PACRG: variants seen among roughly 807,000 people sequenced by gnomAD.
PACRG encodes the protein parkin coregulated gene protein.
PACRG carries 29 observed loss-of-function variants against 29.7 expected under a neutral mutation model. The observed-to-expected ratio is 0.98, with a 90% CI of 0.73 to 1.33. The LOEUF (loss-of-function observed/expected upper bound fraction) is 1.33, where lower values mean the gene tolerates loss of function less well. Among genes scored for constraint, PACRG ranks in the 40% most tolerant of loss-of-function variants. PACRG has a pLI of 0.00. For missense variants in PACRG, 279 were observed against 316.2 expected, an observed-to-expected ratio of 0.88 and a Z score of 0.89; for synonymous variants, 116 against 118.7, an observed-to-expected ratio of 0.98 and a Z score of 0.15.
At chr6:163,086,987 C>T (rs184111798) in intron 3 of PACRG, among the ~76,000 whole-genome samples, 72 of 152,102 alleles carry the variant, frequency 4.7e-4, no homozygotes, top group African/African-American at 1.5e-3. Context: ...CCAATGGAAG[C>T]GGGTAGGGGG....
intron 4 of PACRG, among the ~76,000 whole-genome samples, chr6:163,167,141 C>A (rs1160369829): frequency 6.6e-6 from 1 of 152,192 alleles, no homozygotes; most frequent in Admixed American, 6.5e-5. Flanking sequence ...AGCTGTTGTT[C>A]CAGTTTGCTG....
chr6:162,802,418 T>A (rs189725304), intron 1 of PACRG, among the ~76,000 whole-genome samples: 165 of 152,328 alleles, frequency 1.1e-3, no homozygotes, highest in African/African-American at 3.4e-3. Flanking sequence ...CATGTTTCTC[T>A]GGCCATTTTA....
chr6:163,064,767 A>C (rs1811390011), intron 3 of PACRG, among the ~76,000 whole-genome samples: 1 of 152,160 alleles, frequency 6.6e-6, no homozygotes, highest in Admixed American at 6.5e-5. Flanking sequence ...TTTTCACACC[A>C]TACCCAGTAT....
At chr6:163,002,237 T>A (rs1246997587) in intron 2 of PACRG, among the ~76,000 whole-genome samples, 1 of 152,236 alleles carries the variant, frequency 6.6e-6, no homozygotes, top group Admixed American at 6.5e-5. Flanking sequence ...TGCCTGTGTG[T>A]TGCATGTAAC....
At chr6:163,280,332 G>C (rs1351525005) in intron 4 of PACRG, among the ~76,000 whole-genome samples, 1 of 152,132 alleles carries the variant, frequency 6.6e-6, no homozygotes, top group Non-Finnish European at 1.5e-5. Context: ...TCTTGAGCTG[G>C]CCCCACCTGT....
At chr6:163,189,026 G>T (rs1016939151) in intron 4 of PACRG, among the ~76,000 whole-genome samples, 2 of 152,210 alleles carry the variant, frequency 1.3e-5, no homozygotes, top group Non-Finnish European at 2.9e-5. Flanking sequence ...GGCCTAACAA[G>T]ACATGAGAGG....
chr6:162,849,582 TATAAC>T (rs776952158), intron 2 of PACRG, among the ~76,000 whole-genome samples: 9 of 152,240 alleles, frequency 5.9e-5, no homozygotes, highest in Non-Finnish European at 7.3e-5. Context: ...TTGGAGGACT[TATAAC>T]AGAATAGTTC....
At chr6:162,865,409 C>T (rs1371552028) in intron 2 of PACRG, among the ~76,000 whole-genome samples, 1 of 152,158 alleles carries the variant, frequency 6.6e-6, no homozygotes, top group Admixed American at 6.5e-5. Context: ...ATATAATTGA[C>T]AGTAAGCCTT....
chr6:163,245,545 C>G (rs1192773102), intron 4 of PACRG, among the ~76,000 whole-genome samples: 1 of 152,146 alleles, frequency 6.6e-6, no homozygotes, highest in African/African-American at 2.4e-5. Flanking sequence ...GAATGGATCA[C>G]GGGGTTCATA....
chr6:162,901,219 C>T (rs958991796), intron 2 of PACRG, among the ~76,000 whole-genome samples: 3 of 152,036 alleles, frequency 2.0e-5, no homozygotes, highest in African/African-American at 7.3e-5. Flanking sequence ...GAGTGGGAGC[C>T]GAAGCAGGTA....
In PACRG at chr6:162,980,140, G is replaced by A. The variant is rs193003336; in HGVS notation, c.292-82010G>A. Among the ~76,000 whole-genome samples the A allele has an allele frequency of 9.2e-5, 14 of 151,408 alleles. No homozygotes were observed. In the East Asian group the frequency reaches 2.8e-3, roughly 30 times the overall value. ...AAGGTTCAAGGTTTTCCCAGTACTA[G>A]TTCTCATCACAATTATGTGAAACAC... On this transcript the variant is annotated intron_variant, in intron 2 of 4. Transcript: ENST00000366888.
intron 2 of PACRG, among the ~76,000 whole-genome samples, chr6:162,835,818 C>T (rs1462475573): frequency 1.3e-5 from 2 of 152,122 alleles, no homozygotes; most frequent in Non-Finnish European, 2.9e-5. Context: ...AAAGTAATAA[C>T]TCACTCCAAC....
At chr6:163,248,293 A>G (rs1047332798) in intron 4 of PACRG, among the ~76,000 whole-genome samples, 1 of 152,172 alleles carries the variant, frequency 6.6e-6, no homozygotes, top group Non-Finnish European at 1.5e-5. Context: ...AGTAATTGCT[A>G]TTGTTTGTAG....
chr6:162,729,829 C>T (rs928801069), intron 1 of PACRG, among the ~76,000 whole-genome samples: 9 of 151,770 alleles, frequency 5.9e-5, no homozygotes, highest in East Asian at 3.9e-4. Flanking sequence ...TCTGCAAAAT[C>T]TGATGTTTCT....
At chr6:163,114,860 C>CAAA (rs35202954) in intron 4 of PACRG, among the ~76,000 whole-genome samples, 7 of 127,064 alleles carry the variant, frequency 5.5e-5, no homozygotes, top group Non-Finnish European at 1.0e-4. Context: ...TTCTCAGCAT[C>CAAA]AAAAAAAAAA....
At chr6:162,944,621 G>A (rs1048603294) in intron 2 of PACRG, among the ~76,000 whole-genome samples, 11 of 152,054 alleles carry the variant, frequency 7.2e-5, no homozygotes, top group African/African-American at 2.7e-4. Context: ...CAAAGAGATA[G>A]ATATTATAAA....
chr6:163,231,941 G>A (rs12525452), intron 4 of PACRG, among the ~76,000 whole-genome samples: 35,459 of 152,212 alleles, frequency 0.23, 4,879 homozygotes, highest in Middle Eastern at 0.36. Context: ...CTGGCACTAC[G>A]TTGGTATTTA....
chr6:163,229,097 T>C (rs926416), intron 4 of PACRG, among the ~76,000 whole-genome samples: 115,518 of 152,152 alleles, frequency 0.76, 44,748 homozygotes, highest in African/African-American at 0.91. Context: ...TAGTGGCTCA[T>C]ACCTGTAGTC....
At chr6:162,854,491 T>C (rs551295297) in intron 2 of PACRG, among the ~76,000 whole-genome samples, 111 of 152,240 alleles carry the variant, frequency 7.3e-4, no homozygotes, top group African/African-American at 2.5e-3. Flanking sequence ...TCAGGCCTCA[T>C]AGAGAAGGAA....
Sources: allele counts gnomAD v4.1 joint callset (sites outside exome capture counted in the v4.1 genomes callset), GRCh38; gene constraint gnomAD v4.1.1; transcripts MANE v1.5; gene names NCBI Gene and HGNC (gene_info 2026-07-23, HGNC 2026-07-21).